The following RPL7A variants were observed in gnomAD, a reference collection of about 807,000 sequenced individuals.
The protein encoded by RPL7A is large ribosomal subunit protein eL8.
For missense variants in RPL7A, 291 were observed against 338.2 expected (o/e 0.86, Z 1.09); for synonymous variants, 158 against 128.2 (o/e 1.23, Z -1.57).
At chr9:133,350,512 T>C (rs1836363208) in intron 5 of RPL7A, 85 bp from the exon 6 acceptor site, 1 of 1,607,842 alleles carries the variant, frequency 6.2e-7, no homozygotes, top group Admixed American at 1.7e-5. Flanking sequence ...TCCATGAGCT[T>C]TTTAACCCTG....
At chr9:133,351,199 T>C in intron 7 of RPL7A, 63 bp from the exon 8 acceptor site, 2 of 1,566,922 alleles carry the variant, frequency 1.3e-6, no homozygotes, top group Non-Finnish European at 1.8e-6. Context: ...TTAACGCAAC[T>C]AATAACCTTG....
rs2129982471 is a variant in RPL7A at position 133,348,960 on chromosome 9, G to T, written c.42G>T (p.Pro14=). 2 of 1,613,988 alleles carry T rather than the reference G, an allele frequency of 1.2e-6. No individual in the cohort carries two copies. Among genetic ancestry groups the T allele is most frequent in the Non-Finnish European group, 1.7e-6 (2 of 1,180,010 alleles). ...AGGCCAAGGGAAAGAAGGTGGCTCC[G>T]GCCCCAGCTGTCGTGAAGAAGCAGG... ...GKKAKGKKVA[P]APAVVKKQEA... is the part of the protein sequence containing the mutation. Residue 14 remains proline, a synonymous_variant, in exon 2 of 8, where the codon CCG becomes CCT. Transcript: ENST00000323345.
In RPL7A at chr9:133,351,219, G is replaced by A. The variant is rs1033165007; in HGVS notation, c.697-43G>A. 2.5e-6 allele frequency: 4 copies of A among 1,593,806 alleles called. No homozygotes were observed. In the African/African-American group the frequency reaches 4.0e-5, roughly 16 times the overall value. ...GCAACTAATAACCTTGAAAATCTCAGAAAACAGTAAGCCAAGCTAACTGCC... is the reference window on the plus strand; with the variant it reads ...GCAACTAATAACCTTGAAAATCTCAAAAAACAGTAAGCCAAGCTAACTGCC... On this transcript the variant is annotated intron_variant, in intron 7 of 7. Transcript: ENST00000323345.
intron 4 of RPL7A, 81 bp from the exon 5 acceptor site, chr9:133,350,159 C>CT (rs1836351968): frequency 1.2e-6 from 2 of 1,611,896 alleles, no homozygotes; most frequent in Non-Finnish European, 1.7e-6. Flanking sequence ...CTTTTTAACA[C>CT]TGAGTCAGCA....
At position 133,349,571 on chromosome 9, in the gene RPL7A, A is replaced by G. The variant is rs1438315500; in HGVS notation, c.145A>G (p.Arg49Gly). 1 of 1,613,986 alleles carries G rather than the reference A, an allele frequency of 6.2e-7. No individual in the cohort carries two copies. Among genetic ancestry groups the G allele is most frequent in the African/African-American group, 1.3e-5 (1 of 74,920 alleles). ...CTCAGGACAGGACATCCAGCCCAAA[A>G]GAGACCTCACCCGCTTTGTGAAATG... Reference protein sequence around the residue: ...FGIGQDIQPKRDLTRFVKWPR... With the variant: ...FGIGQDIQPKGDLTRFVKWPR... The change falls in exon 3 of 8, where the codon AGA becomes GGA. Residue 49 changes from arginine to glycine, a missense_variant. Physicochemically the swap from Arg to Gly is moderately radical, Grantham distance 125. Transcript: ENST00000323345.
At chr9:133,348,555 G>A (rs1242678243) in intron 1 of RPL7A, 1 of 595,798 alleles carries the variant, frequency 1.7e-6, no homozygotes, top group Non-Finnish European at 3.0e-6. Flanking sequence ...GGCTTGCTGG[G>A]GGCCGCTCCA....
intron 7 of RPL7A, 23 bp downstream of exon 7, chr9:133,351,094 A>AATACTGTC: frequency 6.2e-7 from 1 of 1,608,952 alleles, no homozygotes; most frequent in African/African-American, 1.3e-5. Flanking sequence ...TTTACACCAA[A>AATACTGTC]ATACTGTCAT....
Position 133,349,934 on chromosome 9 carries a change from C to T in RPL7A, c.297C>T (p.Ala99=), listed in dbSNP as rs2129989831. ...RQTATQLLKL[A]HKYRPETKQE... Reference sequence around the variant, plus strand: ...CAGCTACTCAGCTGCTTAAGCTGGCCCACAAGTACAGACCAGAGACAAAGC... The same window carrying T: ...CAGCTACTCAGCTGCTTAAGCTGGCTCACAAGTACAGACCAGAGACAAAGC... The change falls in exon 4 of 8, where the codon GCC becomes GCT. Residue 99 remains alanine (A), a synonymous_variant. Transcript: ENST00000323345. The T allele has an allele frequency of 6.2e-7, 1 of 1,611,568 alleles. No individual in the cohort carries two copies. The highest frequency in any genetic ancestry group is 8.5e-7 in the Non-Finnish European group (1 of 1,179,968).
chr9:133,348,249 G>T lies in RPL7A; in HGVS notation c.3+3G>T. On this transcript the variant is annotated splice_donor_region_variant and intron_variant, in intron 1 of 7. Transcript: ENST00000323345. The stretch of plus-strand genomic sequence containing the variant: ...CTCTCCTCCCGCCGCCCAAGATGGT[G>T]AGTGAGCTGTAGTTCCGTGGCACTA... 1 of 1,614,100 alleles carries T rather than the reference G, an allele frequency of 6.2e-7. No homozygotes were observed.
Position 133,351,008 on chromosome 9 carries a change from C to T in RPL7A, c.633C>T (p.Asp211=), listed in dbSNP as rs1165002356. Residue 211 remains aspartate, a synonymous_variant, in exon 7 of 8, where the codon GAC becomes GAT. Coordinates refer to ENST00000323345, the MANE Select transcript of RPL7A (RefSeq NM_000972.3). ...TTCCCCTCCTGCCTTTTAGGGAAGA[C>T]AAAGGCGCTTTGGCTAAGCTGGTGG... ...TVAFTQVNSE[D]KGALAKLVEA... is the part of the protein sequence containing the mutation. The T allele has an allele frequency of 6.2e-6, 10 of 1,614,054 alleles. No homozygotes were observed. The East Asian group carries it at 8.9e-5, about 14-fold the overall frequency.
intron 5 of RPL7A, 99 bp from the exon 6 acceptor site, chr9:133,350,498 C>G (rs2129994144): frequency 1.3e-6 from 2 of 1,587,104 alleles, no homozygotes; most frequent in African/African-American, 1.3e-5. Context: ...CCTTGAAGTG[C>G]GAATCCATGA....
chr9:133,349,389 G>A (rs1172732869), intron 2 of RPL7A, 162 bp from the exon 3 acceptor site: 1 of 976,824 alleles, frequency 1.0e-6, no homozygotes, highest in East Asian at 2.4e-5. Context: ...GTTCTCAGGT[G>A]TTTGTGTGCA....
At chr9:133,350,885 C>T (rs2129996764) in intron 6 of RPL7A, 117 bp from the exon 7 acceptor site, 3 of 1,460,154 alleles carry the variant, frequency 2.1e-6, no homozygotes, top group Admixed American at 1.7e-5. Flanking sequence ...CTGAATAAAC[C>T]ATGTGGTCAG....
At position 133,348,866 on chromosome 9, in the gene RPL7A, A is replaced by T. The variant is rs2129981640; in HGVS notation, c.4-56A>T. On this transcript the variant is annotated intron_variant, in intron 1 of 7. Transcript: ENST00000323345. ...TTTTGGAGGAGCCAGCCTGAGCCCT[A>T]CCCCCGACGAAGCGAGTGGAGGCGG... 3.1e-6 allele frequency: 5 copies of T among 1,612,474 alleles called. No individual in the cohort carries two copies. In the Admixed American group the frequency reaches 8.3e-5, roughly 27 times the overall value.
rs2129994162 is a variant in RPL7A at position 133,350,499 on chromosome 9, G to A, written c.496-98G>A. On this transcript the variant is annotated intron_variant, in intron 5 of 7. Transcript: ENST00000323345. ...CTCACTGAATTCAACCTTGAAGTGC[G>A]AATCCATGAGCTTTTTAACCCTGAG... is the stretch of plus-strand genomic sequence containing the variant. The A allele has an allele frequency of 5.6e-6, 9 of 1,593,728 alleles. No individual in the cohort carries two copies. The Admixed American group carries it at 1.0e-4, about 18-fold the overall frequency.
chr9:133,351,184 C>A, intron 7 of RPL7A, 78 bp from the exon 8 acceptor site: 1 of 1,544,226 alleles, frequency 6.5e-7, no homozygotes. Context: ...AACAGCCAAA[C>A]AGAATTAACG....
rs113336790 is a variant in RPL7A at position 133,349,899 on chromosome 9, A to T, written c.275-13A>T. On this transcript the variant is annotated splice_polypyrimidine_tract_variant and intron_variant, in intron 3 of 7. Coordinates refer to ENST00000323345, the MANE Select transcript of RPL7A (RefSeq NM_000972.3). ...CCTTGACTCCAAGCCTAAACTGAAGAGTGTTTTTCCAGCTACTCAGCTGCT... is the reference window on the plus strand; with the variant it reads ...CCTTGACTCCAAGCCTAAACTGAAGTGTGTTTTTCCAGCTACTCAGCTGCT... 1.8e-3 allele frequency: 2,858 copies of T among 1,610,878 alleles called. 16 individuals are homozygous for T. The Middle Eastern group carries it at 0.034, about 19-fold the overall frequency.
chr9:133,349,658 C>A lies in RPL7A; in HGVS notation c.232C>A (p.Pro78Thr). ...AILYKRLKVPPAINQFTQALD... is the reference protein window; with the variant it reads ...AILYKRLKVPTAINQFTQALD... ...CCTCTATAAGCGGCTGAAAGTGCCT[C>A]CTGCGATTAACCAGTTCACCCAGGC... Residue 78 changes from proline to threonine, a missense_variant, in exon 3 of 8, where the codon CCT becomes ACT. Coordinates refer to ENST00000323345, the MANE Select transcript of RPL7A (RefSeq NM_000972.3). The A allele has an allele frequency of 6.2e-7, 1 of 1,614,070 alleles. No homozygotes were observed. The highest frequency in any genetic ancestry group is 8.5e-7 in the Non-Finnish European group (1 of 1,180,018).
chr9:133,349,361 A>T, intron 2 of RPL7A, 190 bp from the exon 3 acceptor site: 1 of 897,484 alleles, frequency 1.1e-6, no homozygotes, highest in Non-Finnish European at 1.9e-6. Flanking sequence ...TTAGATGAGG[A>T]AAAGCATCGT....
Sources: gnomAD v4.1 joint callset for allele counts on GRCh38, gnomAD v4.1.1 for gene constraint, MANE v1.5 for transcripts, NCBI Gene and HGNC (gene_info 2026-07-23, HGNC 2026-07-21) for gene names.